Variants in SMARCC1 observed in about 807,000 individuals in gnomAD.
SMARCC1 encodes the protein SWI/SNF complex subunit SMARCC1.
In SMARCC1, 43 loss-of-function variants were observed where a neutral mutation model predicts 147.4. That is an observed-to-expected ratio of 0.29 (90% CI 0.23 to 0.38). SMARCC1 has a LOEUF of 0.38. Ranked by LOEUF, SMARCC1 falls within the 10% of genes least tolerant of loss-of-function variation. SMARCC1 has a pLI of 1.00. For missense variants in SMARCC1, 1,119 were observed against 1,381.1 expected, an observed-to-expected ratio of 0.81 and a Z score of 3.01; for synonymous variants, 495 against 484.4, an observed-to-expected ratio of 1.02 and a Z score of -0.29.
At chr3:47,705,311 G>A (rs1219945448) in intron 10 of SMARCC1, among the ~76,000 whole-genome samples, 13 of 118,622 alleles carry the variant, frequency 1.1e-4, no homozygotes, top group Non-Finnish European at 1.7e-4. Context: ...GTAACAGAGC[G>A]AGACTCCGTC....
intron 24 of SMARCC1, among the ~76,000 whole-genome samples, chr3:47,624,054 C>A (rs1283256605): frequency 6.6e-6 from 1 of 151,936 alleles, no homozygotes; most frequent in African/African-American, 2.4e-5. Context: ...TTTTGGGAGG[C>A]CTAGGTGGGC....
intron 13 of SMARCC1, among the ~76,000 whole-genome samples, chr3:47,687,349 C>T (rs890716706): frequency 3.3e-5 from 5 of 152,000 alleles, no homozygotes; most frequent in African/African-American, 1.2e-4. Flanking sequence ...ACAGACTTTA[C>T]AAATCATTAG....
At chr3:47,591,323 A>G (rs1481591712) in intron 26 of SMARCC1, among the ~76,000 whole-genome samples, 3 of 152,054 alleles carry the variant, frequency 2.0e-5, no homozygotes, top group African/African-American at 7.2e-5. Flanking sequence ...TTACTGTGAA[A>G]TCACCATTAA....
chr3:47,781,258 C>T (rs1413375091), intron 1 of SMARCC1, among the ~76,000 whole-genome samples: 1 of 152,224 alleles, frequency 6.6e-6, no homozygotes, highest in African/African-American at 2.4e-5. Flanking sequence ...TTTTACCACG[C>T]TTGCTCGGTC....
intron 26 of SMARCC1, among the ~76,000 whole-genome samples, chr3:47,591,551 T>C (rs1339076225): frequency 6.6e-6 from 1 of 151,688 alleles, no homozygotes; most frequent in African/African-American, 2.4e-5. Context: ...TGTTTGTTTC[T>C]TTCTTTTTTT....
At chr3:47,645,377 A>C (rs1325903059) in intron 21 of SMARCC1, among the ~76,000 whole-genome samples, 1 of 152,130 alleles carries the variant, frequency 6.6e-6, no homozygotes. Flanking sequence ...TAAAGGTTCA[A>C]TCTTCTTAAA....
rs1391764674 is a variant in SMARCC1 at position 47,759,423 on chromosome 3, C to A, written c.315+13394G>T. Among the ~76,000 whole-genome samples the A allele has an allele frequency of 1.0e-4, 15 of 150,070 alleles. 1 individual carries two copies. In the East Asian group the frequency reaches 3.0e-3, roughly 30 times the overall value. On this transcript the variant is annotated intron_variant, in intron 2 of 27. Coordinates refer to ENST00000254480, the MANE Select transcript of SMARCC1 (RefSeq NM_003074.4). ...AGATCACAAGGTCGGGAGTTCAAGA[C>A]CAGCCTGGCCAACATGGTGAAACCC...
At chr3:47,694,815 C>T (rs2033828545) in intron 11 of SMARCC1, among the ~76,000 whole-genome samples, 1 of 152,092 alleles carries the variant, frequency 6.6e-6, no homozygotes, top group Non-Finnish European at 1.5e-5. Context: ...CACTTCTTGG[C>T]CATGTATTTA....
intron 1 of SMARCC1, 55 bp from the exon 2 acceptor site, chr3:47,772,991 GT>G (rs2034932822): frequency 2.5e-6 from 4 of 1,578,452 alleles, no homozygotes; most frequent in Non-Finnish European, 3.5e-6. Flanking sequence ...AGGAGAAAAT[GT>G]TGGCTTACTT....
intron 3 of SMARCC1, among the ~76,000 whole-genome samples, chr3:47,738,504 T>C (rs961543634): frequency 2.6e-5 from 4 of 152,042 alleles, no homozygotes; most frequent in Non-Finnish European, 5.9e-5. Flanking sequence ...GCCAACGTGG[T>C]GAAACCCCAT....
chr3:47,692,060 G>T (rs2033796707), intron 12 of SMARCC1, among the ~76,000 whole-genome samples: 1 of 152,100 alleles, frequency 6.6e-6, no homozygotes, highest in African/African-American at 2.4e-5. Flanking sequence ...AGATAGAACT[G>T]ACATCTCATT....
At chr3:47,711,716 T>C (rs1034543441) in intron 8 of SMARCC1, among the ~76,000 whole-genome samples, 1 of 152,218 alleles carries the variant, frequency 6.6e-6, no homozygotes, top group African/African-American at 2.4e-5. Context: ...AACTGGTTAT[T>C]TGGGATATGC....
At chr3:47,599,229 ATAC>A (rs2106650922) in intron 26 of SMARCC1, among the ~76,000 whole-genome samples, 1 of 152,228 alleles carries the variant, frequency 6.6e-6, no homozygotes, top group African/African-American at 2.4e-5. Flanking sequence ...TCTACTAATA[ATAC>A]AACAATTAGC....
At chr3:47,605,325 ATAATAACT>A (rs2032454536) in intron 26 of SMARCC1, among the ~76,000 whole-genome samples, 1 of 152,338 alleles carries the variant, frequency 6.6e-6, no homozygotes, top group African/African-American at 2.4e-5. Flanking sequence ...CAAACTATTC[ATAATAACT>A]AAAATCCAGA....
At chr3:47,777,254 TG>T (rs1313170094) in intron 1 of SMARCC1, among the ~76,000 whole-genome samples, 1 of 151,230 alleles carries the variant, frequency 6.6e-6, no homozygotes, top group Non-Finnish European at 1.5e-5. Flanking sequence ...GGCTAATTTT[TG>T]TATTTTTGGT....
chr3:47,687,397 G>A (rs1009174982), intron 13 of SMARCC1, among the ~76,000 whole-genome samples: 1 of 152,166 alleles, frequency 6.6e-6, no homozygotes, highest in African/African-American at 2.4e-5. Flanking sequence ...AAAACAGGAA[G>A]AGGCTGGCAT....
rs377602545 is a variant in SMARCC1, at chr3:47,770,251, A to G, written c.315+2566T>C. Among the ~76,000 whole-genome samples the G allele has an allele frequency of 6.6e-5, 10 of 151,814 alleles. No individual in the cohort carries two copies. The East Asian group carries it at 1.7e-3, about 26-fold the overall frequency. On this transcript the variant is annotated intron_variant, in intron 2 of 27. Transcript: ENST00000254480. ...AAAAAAAAAATAAATAATAAGGCTG[A>G]GCATGGTTACTCATACCAGTAATCC...
At chr3:47,622,649 T>C (rs371487016) in intron 24 of SMARCC1, among the ~76,000 whole-genome samples, 4 of 152,216 alleles carry the variant, frequency 2.6e-5, no homozygotes, top group East Asian at 3.9e-4. Flanking sequence ...CTTTGCCACC[T>C]ACCACCCCAT....
chr3:47,618,714 C>T (rs970991558), intron 25 of SMARCC1, among the ~76,000 whole-genome samples: 1 of 152,090 alleles, frequency 6.6e-6, no homozygotes, highest in African/African-American at 2.4e-5. Context: ...AAAGGGGATG[C>T]GAACTCTGCT....
Sources: allele counts gnomAD v4.1 joint callset (sites outside exome capture counted in the v4.1 genomes callset), GRCh38; gene constraint gnomAD v4.1.1; transcripts MANE v1.5; gene names NCBI Gene and HGNC (gene_info 2026-07-23, HGNC 2026-07-21).